The following GYG2 variants were observed in gnomAD, a reference collection of about 807,000 sequenced individuals.
The protein encoded by GYG2 is glycogenin-2.
In GYG2, 29 loss-of-function variants were observed where a neutral mutation model predicts 29.4. The ratio of observed to expected loss-of-function variants is 0.99; its 90% CI spans 0.74 to 1.35. The LOEUF (loss-of-function observed/expected upper bound fraction) is 1.35, where lower values mean the gene tolerates loss of function less well. Ranked by LOEUF, GYG2 falls within the 40% of genes most tolerant of loss-of-function variation. The pLI is 0.00. For synonymous variants in GYG2, 167 were observed against 172.3 expected (o/e 0.97, Z 0.24); for missense variants, 370 against 385.7 (o/e 0.96, Z 0.34).
At chrX:2,850,328 G>A (rs966007598) in intron 3 of GYG2, among the ~76,000 whole-genome samples, 2 of 111,685 alleles carry the variant, frequency 1.8e-5, no homozygotes, top group African/African-American at 3.3e-5. Flanking sequence ...TTTTTGTTTC[G>A]TCTGGGAAGA....
intron 10 of GYG2, 42 bp downstream of exon 10, chrX:2,877,349 G>A (rs750610601): frequency 4.2e-6 from 5 of 1,195,041 alleles, no homozygotes; most frequent in South Asian, 3.6e-5. Context: ...CTCCCGGTGG[G>A]GGCCATCCAC....
At chrX:2,831,091 T>G (rs192962261) in intron 2 of GYG2, among the ~76,000 whole-genome samples, 166 of 112,908 alleles carry the variant, frequency 1.5e-3, no homozygotes, top group African/African-American at 5.1e-3. Context: ...GGCCTAGATA[T>G]GTGAACAGAG....
chrX:2,874,981 A>T (rs764887516), intron 8 of GYG2, among the ~76,000 whole-genome samples: 22 of 112,350 alleles, frequency 2.0e-4, no homozygotes, highest in Non-Finnish European at 1.7e-4. Context: ...GCTCACACTC[A>T]TTAAGCTAAC....
chrX:2,871,779 G>A (rs1038806304), intron 8 of GYG2, among the ~76,000 whole-genome samples: 2 of 111,206 alleles, frequency 1.8e-5, no homozygotes, highest in African/African-American at 3.3e-5. Flanking sequence ...GGTATTTTTG[G>A]CAGAAGACTT....
In GYG2 at chrX:2,858,272, G is replaced by A. The variant is rs1280568221; in HGVS notation, c.615-1571G>A. On this transcript the variant is annotated intron_variant, in intron 6 of 10. Coordinates refer to ENST00000398806, the MANE Select transcript of GYG2 (RefSeq NM_001079855.2). ...GCTCAGGAGTTTGAGACCAGCCTGC[G>A]CAACATGATGAAACCCTGTCTCTAC... Among the ~76,000 whole-genome samples the A allele has an allele frequency of 1.8e-4, 14 of 77,259 alleles. No homozygotes were observed. The East Asian group carries it at 2.8e-3, about 16-fold the overall frequency. 67.1% of individuals were successfully genotyped at this position (77,259 alleles called of 115,157 possible).
chrX:2,865,492 T>C (rs762198560), intron 8 of GYG2, among the ~76,000 whole-genome samples: 1 of 111,600 alleles, frequency 9.0e-6, no homozygotes, highest in East Asian at 2.8e-4. Flanking sequence ...ACTTAAACAA[T>C]AGATATGTAG....
chrX:2,833,392 A>G (rs1283622027), intron 2 of GYG2, among the ~76,000 whole-genome samples: 1 of 110,700 alleles, frequency 9.0e-6, no homozygotes, highest in African/African-American at 3.3e-5. Context: ...GTAGGGTTTC[A>G]TCCTAGGCGT....
intron 8 of GYG2, among the ~76,000 whole-genome samples, chrX:2,863,263 A>G: frequency 9.2e-6 from 1 of 109,212 alleles, no homozygotes. Flanking sequence ...TTTAGTAGAG[A>G]CGGGGTTTCA....
intron 8 of GYG2, among the ~76,000 whole-genome samples, chrX:2,865,201 G>A (rs1388172632): frequency 9.0e-6 from 1 of 111,325 alleles, no homozygotes; most frequent in Admixed American, 9.6e-5. Flanking sequence ...CACAGCCCCT[G>A]AAAACAAGCT....
intron 3 of GYG2, among the ~76,000 whole-genome samples, chrX:2,844,809 T>G (rs1276499857): frequency 9.2e-6 from 1 of 108,291 alleles, no homozygotes; most frequent in East Asian, 2.9e-4. Flanking sequence ...TATGTGTATA[T>G]ATTTATATAT....
In GYG2 at chrX:2,855,002, A is replaced by G; in HGVS notation, c.334A>G (p.Asn112Asp). The part of the protein sequence containing the change: ...FLDADTLVLS[N>D]VDELFDRGEF... Reference sequence around the variant, plus strand: ...TGTTTTGCTTCACCAGGTGCTGTCCAATGTCGATGAGCTGTTTGACAGGGG... The same window carrying G: ...TGTTTTGCTTCACCAGGTGCTGTCCGATGTCGATGAGCTGTTTGACAGGGG... Residue 112 changes from asparagine to aspartate, a missense_variant, in exon 5 of 11, where the codon AAT becomes GAT. Physicochemically the swap from Asn to Asp is conservative, Grantham distance 23. Transcript: ENST00000398806. 2 of 1,210,779 alleles carry G rather than the reference A, an allele frequency of 1.7e-6. No homozygotes were observed. Among genetic ancestry groups the G allele is most frequent in the Non-Finnish European group, 2.2e-6 (2 of 894,929 alleles).
chrX:2,876,032 CCTT>C, intron 9 of GYG2, 118 bp downstream of exon 9: 3 of 241,392 alleles, frequency 1.2e-5, no homozygotes, highest in African/African-American at 4.8e-5. Context: ...AAAATTCCTC[CCTT>C]TTTTTTTTTT....
At chrX:2,842,361 A>T (rs1350735480) in intron 2 of GYG2, among the ~76,000 whole-genome samples, 1 of 100,734 alleles carries the variant, frequency 9.9e-6, no homozygotes, top group Non-Finnish European at 2.0e-5. Flanking sequence ...CGCCTGGCTA[A>T]TTTTTTTTTT....
chrX:2,878,066 C>T, intron 10 of GYG2: 1 of 745,858 alleles, frequency 1.3e-6, no homozygotes, highest in South Asian at 6.8e-5. Context: ...ATTTCTAGAG[C>T]TGTTGGTTGA....
intron 6 of GYG2, among the ~76,000 whole-genome samples, chrX:2,858,305 TAAAAC>T (rs2088071376): frequency 9.1e-6 from 1 of 109,380 alleles, no homozygotes; most frequent in South Asian, 3.9e-4. Flanking sequence ...TACGAAAAAA[TAAAAC>T]AAAACATTAG....
At position 2,830,744 on chromosome X, in the gene GYG2, G is replaced by T. The variant is rs968883464; in HGVS notation, c.7+549G>T. Reference sequence around the variant, plus strand: ...GAGACCATCCTGGGCAACATAGGGAGACCACATCTCTAGGAAAAAAATTTA... The same window carrying T: ...GAGACCATCCTGGGCAACATAGGGATACCACATCTCTAGGAAAAAAATTTA... On this transcript the variant is annotated intron_variant, in intron 2 of 10. Transcript: ENST00000398806. 5.4e-5 allele frequency among the ~76,000 whole-genome samples: 6 copies of T among 111,496 alleles called. No homozygotes were observed. In the East Asian group the frequency reaches 1.7e-3, roughly 32 times the overall value.
At chrX:2,843,033 G>A (rs1423783836) in intron 2 of GYG2, 180 bp from the exon 3 acceptor site, 4 of 503,113 alleles carry the variant, frequency 8.0e-6, no homozygotes, top group African/African-American at 4.7e-5. Context: ...GGCTGGTCTC[G>A]AACTCCTGAG....
intron 8 of GYG2, among the ~76,000 whole-genome samples, chrX:2,867,632 A>G (rs758073203): frequency 9.0e-6 from 1 of 111,409 alleles, no homozygotes; most frequent in Non-Finnish European, 1.9e-5. Context: ...GACGACTGCG[A>G]GACATGCTTA....
At chrX:2,856,956 CATCTGTTT>C (rs57350672) in intron 6 of GYG2, among the ~76,000 whole-genome samples, 7,224 of 101,514 alleles carry the variant, frequency 0.071, 293 homozygotes, top group African/African-American at 0.15. Context: ...TAGGCCTAGA[CATCTGTTT>C]ATCTATCTAT....
Sources: allele counts gnomAD v4.1 joint callset (sites outside exome capture counted in the v4.1 genomes callset), GRCh38; gene constraint gnomAD v4.1.1; transcripts MANE v1.5; gene names NCBI Gene and HGNC (gene_info 2026-07-23, HGNC 2026-07-21).